CDH7: variants seen among roughly 807,000 people sequenced by gnomAD.
CDH7 encodes the protein cadherin 7.
Under a neutral mutation model 71.8 loss-of-function variants are expected in CDH7, and 25 were observed. The ratio of observed to expected loss-of-function variants is 0.35; its 90% CI spans 0.25 to 0.49. The LOEUF (loss-of-function observed/expected upper bound fraction) is 0.49, where lower values mean the gene tolerates loss of function less well. CDH7 is among the 20% of genes least tolerant of loss of function. CDH7 has a pLI of 0.99. For missense variants in CDH7, 862 were observed against 974.6 expected (o/e 0.88, Z 1.54); for synonymous variants, 381 against 363.8 (o/e 1.05, Z -0.54).
upstream of CDH7, chr18:65,750,383 G>A (rs962481535): frequency 6.6e-6 from 1 of 152,238 alleles, no homozygotes; most frequent in Non-Finnish European, 1.5e-5. Flanking sequence ...AGGCTAAGGT[G>A]GGTGTTGGAG....
intron 2 of CDH7, among the ~76,000 whole-genome samples, chr18:65,801,840 T>G (rs551391968): frequency 2.0e-5 from 3 of 152,356 alleles, no homozygotes; most frequent in Non-Finnish European, 2.9e-5. Flanking sequence ...ACTCTAAAAT[T>G]TTATTTCCAT....
rs1329788983 is a variant in CDH7 at position 65,781,979 on chromosome 18, TC to T, written c.210+18928del. 8.7e-5 allele frequency among the ~76,000 whole-genome samples: 9 copies of T among 103,228 alleles called. 2 individuals are homozygous for T. Among genetic ancestry groups the T allele is most frequent in the South Asian group, 3.4e-4 (1 of 2,984 alleles). The allele number at this position is 103,228 out of a possible 152,430, so 67.7% of individuals were successfully genotyped here. A position where few individuals can be genotyped will look rare whatever the true frequency, so the allele number is the denominator to read the frequency against. ...TTCTCTCTTTCTCTCTCTCTCTCTC[TC>T]TCTCTCTTTCTCTCTTTCTCTCTTT... is the stretch of plus-strand genomic sequence containing the variant. On this transcript the variant is annotated intron_variant, in intron 2 of 11. Transcript: ENST00000397968.
intron 7 of CDH7, among the ~76,000 whole-genome samples, chr18:65,853,926 T>TCC (rs1301105269): frequency 5.3e-5 from 5 of 95,046 alleles, no homozygotes; most frequent in African/African-American, 2.0e-4. Flanking sequence ...TATATATATA[T>TCC]ATATATATAT....
chr18:65,763,483 T>G (rs900928843), intron 2 of CDH7, among the ~76,000 whole-genome samples: 3 of 152,120 alleles, frequency 2.0e-5, no homozygotes, highest in African/African-American at 7.2e-5. Context: ...TTAGGTGTCC[T>G]TCCCTGATAC....
At chr18:65,782,099 CTTCCTTCCTTCT>C (rs1910305794) in intron 2 of CDH7, among the ~76,000 whole-genome samples, 2 of 38,290 alleles carry the variant, frequency 5.2e-5, no homozygotes, top group East Asian at 5.4e-4. Flanking sequence ...TCCTTCCTTC[CTTCCTTCCTTCT>C]TTCTTTCTTT....
chr18:65,855,356 A>C (rs1469937086), intron 7 of CDH7, among the ~76,000 whole-genome samples: 3 of 151,618 alleles, frequency 2.0e-5, no homozygotes, highest in Admixed American at 2.0e-4. Flanking sequence ...ACAAAGGAAA[A>C]AAAAAAGCAG....
chr18:65,839,804 A>AG (rs2143979956), intron 6 of CDH7, among the ~76,000 whole-genome samples: 2 of 152,306 alleles, frequency 1.3e-5, no homozygotes, highest in South Asian at 4.1e-4. Context: ...ATACTAGAAG[A>AG]GAAAAAGTGT....
intron 3 of CDH7, among the ~76,000 whole-genome samples, chr18:65,813,675 T>C (rs1232151090): frequency 2.0e-5 from 3 of 152,030 alleles, no homozygotes; most frequent in Non-Finnish European, 4.4e-5. Context: ...TAACTAAATA[T>C]ATAAACTAAG....
chr18:65,866,542 C>T (rs986175965), intron 11 of CDH7: 2 of 152,034 alleles, frequency 1.3e-5, no homozygotes, highest in African/African-American at 4.8e-5. Context: ...CCAAACCTTA[C>T]AGAGGGAAAA....
chr18:65,807,502 T>C (rs1179435581), intron 2 of CDH7, among the ~76,000 whole-genome samples: 1 of 152,148 alleles, frequency 6.6e-6, no homozygotes, highest in Non-Finnish European at 1.5e-5. Context: ...CCCATGTATA[T>C]AATTGATATT....
chr18:65,832,216 A>G (rs999000706), intron 6 of CDH7, among the ~76,000 whole-genome samples: 7 of 7,278 alleles, frequency 9.6e-4, no homozygotes, highest in African/African-American at 1.0e-3. Context: ...ATAATGTACT[A>G]TTATATTATA....
chr18:65,793,084 G>A (rs754947258), intron 2 of CDH7, among the ~76,000 whole-genome samples: 1 of 152,052 alleles, frequency 6.6e-6, no homozygotes, highest in Non-Finnish European at 1.5e-5. Context: ...TGTGCAGTGG[G>A]TGAGTTTCTC....
At chr18:65,876,078 G>C (rs1203531136) in intron 11 of CDH7, among the ~76,000 whole-genome samples, 1 of 152,108 alleles carries the variant, frequency 6.6e-6, no homozygotes, top group African/African-American at 2.4e-5. Context: ...CTGCGCCTGT[G>C]CATGTCTGTA....
chr18:65,778,882 G>A (rs543680105), intron 2 of CDH7, among the ~76,000 whole-genome samples: 7 of 151,896 alleles, frequency 4.6e-5, no homozygotes, highest in African/African-American at 1.4e-4. Flanking sequence ...TTCACATTTG[G>A]CATCTTTTTC....
chr18:65,834,388 C>A (rs1912461113), intron 6 of CDH7, among the ~76,000 whole-genome samples: 1 of 152,014 alleles, frequency 6.6e-6, no homozygotes, highest in South Asian at 2.1e-4. Flanking sequence ...ACATGCATGG[C>A]AATCAAAGAG....
At chr18:65,751,348 G>A (rs1915869551) in intron 1 of CDH7, among the ~76,000 whole-genome samples, 198 bp downstream of exon 1, 1 of 152,260 alleles carries the variant, frequency 6.6e-6, no homozygotes, top group Admixed American at 6.5e-5. Flanking sequence ...GCTTGTGGAC[G>A]GAGGCGGGGG....
At chr18:65,818,967 G>A (rs985490748) in intron 4 of CDH7, among the ~76,000 whole-genome samples, 4 of 152,088 alleles carry the variant, frequency 2.6e-5, no homozygotes, top group Non-Finnish European at 5.9e-5. Flanking sequence ...GGAGAGACCA[G>A]CAGGACTGAT....
At chr18:65,770,155 T>C (rs1188075698) in intron 2 of CDH7, among the ~76,000 whole-genome samples, 1 of 152,152 alleles carries the variant, frequency 6.6e-6, no homozygotes, top group Non-Finnish European at 1.5e-5. Flanking sequence ...ATGCAGCAAT[T>C]GACTGTTTCT....
chr18:65,807,790 C>T (rs774160467), intron 2 of CDH7, among the ~76,000 whole-genome samples: 3 of 152,176 alleles, frequency 2.0e-5, no homozygotes, highest in Non-Finnish European at 2.9e-5. Flanking sequence ...GAACCCTTCT[C>T]ATAAGTCATA....
Sources: allele counts gnomAD v4.1 joint callset (sites outside exome capture counted in the v4.1 genomes callset), GRCh38; gene constraint gnomAD v4.1.1; transcripts MANE v1.5; gene names NCBI Gene and HGNC (gene_info 2026-07-23, HGNC 2026-07-21).